TPRG1: variants seen among roughly 807,000 people sequenced by gnomAD.
The protein encoded by TPRG1 is tumor protein p63 regulated 1, also known as tumor protein p63-regulated gene 1 protein.
TPRG1 carries 29 observed loss-of-function variants against 29.3 expected under a neutral mutation model. That is an observed-to-expected ratio of 0.99 (90% confidence interval 0.74 to 1.35). The LOEUF (loss-of-function observed/expected upper bound fraction) is 1.35. TPRG1 is among the 40% of genes most tolerant of loss of function. TPRG1 has a pLI of 0.00. For synonymous variants in TPRG1, 130 were observed against 116.8 expected (o/e 1.11, Z -0.73); for missense variants, 327 against 335.0 (o/e 0.98, Z 0.19).
At chr3:189,103,873 C>G (rs576504043) in intron 1 of TPRG1, among the ~76,000 whole-genome samples, 1 of 152,272 alleles carries the variant, frequency 6.6e-6, no homozygotes, top group Non-Finnish European at 1.5e-5. Context: ...AAAATCACGG[C>G]CCATCACAGT....
chr3:189,197,125 C>T (rs16864069), intron 1 of TPRG1, among the ~76,000 whole-genome samples: 10,244 of 152,250 alleles, frequency 0.067, 482 homozygotes, highest in Admixed American at 0.17. Context: ...CAGAGGCTTG[C>T]TTTAATGTGT....
chr3:189,069,755 G>T (rs959487677), intron 4 of TPRG1, among the ~76,000 whole-genome samples: 3 of 152,072 alleles, frequency 2.0e-5, no homozygotes, highest in African/African-American at 7.2e-5. Flanking sequence ...TGCTTCAACA[G>T]GTAAGTAGTT....
intron 4 of TPRG1, among the ~76,000 whole-genome samples, chr3:189,251,880 G>T (rs972239585): frequency 3.9e-5 from 6 of 152,100 alleles, no homozygotes; most frequent in Admixed American, 3.9e-4. Context: ...AAAGAGGCAT[G>T]CCTTCCTCTT....
rs112969753 is a variant in TPRG1 at position 189,047,201 on chromosome 3, G to A, written c.-463+23255G>A. ...CTTAAATATATACACGCATAGGTTG[G>A]AGATACTGTTGATTTGCTTCCACTC... On this transcript the variant is annotated intron_variant, in intron 4 of 10. Coordinates refer to the TPRG1 transcript ENST00000433971. 3.0e-3 allele frequency among the ~76,000 whole-genome samples: 464 copies of A among 152,140 alleles called. 3 individuals carry two copies. Among genetic ancestry groups the A allele is most frequent in the African/African-American group, 0.011 (441 of 41,502 alleles).
intron 4 of TPRG1, among the ~76,000 whole-genome samples, chr3:189,079,113 T>A (rs1196946212): frequency 6.6e-6 from 1 of 152,086 alleles, no homozygotes; most frequent in East Asian, 1.9e-4. Flanking sequence ...GGAGCAGGAA[T>A]GTCACATAGC....
chr3:189,130,004 TCTC>T (rs1336633340), intron 2 of TPRG1, among the ~76,000 whole-genome samples: 1 of 152,198 alleles, frequency 6.6e-6, no homozygotes, highest in African/African-American at 2.4e-5. Flanking sequence ...TAATAAAACT[TCTC>T]AGCTGAATGT....
chr3:189,094,697 A>G (rs1718561309), intron 4 of TPRG1, among the ~76,000 whole-genome samples: 1 of 152,168 alleles, frequency 6.6e-6, no homozygotes, highest in East Asian at 1.9e-4. Flanking sequence ...CCACTTGTAT[A>G]TTGGCAGCCA....
At chr3:189,085,385 T>C (rs1376159548) in intron 4 of TPRG1, among the ~76,000 whole-genome samples, 2 of 152,054 alleles carry the variant, frequency 1.3e-5, no homozygotes, top group Non-Finnish European at 2.9e-5. Flanking sequence ...AAGGGAAAGA[T>C]GGCTGGCGGT....
intron 2 of TPRG1, among the ~76,000 whole-genome samples, chr3:189,207,907 A>G (rs1338626608): frequency 6.6e-6 from 1 of 152,258 alleles, no homozygotes; most frequent in Non-Finnish European, 1.5e-5. Context: ...AGAGAGAACC[A>G]TAGCAGCTAG....
At chr3:189,154,153 A>G (rs189487127) in intron 5 of TPRG1, among the ~76,000 whole-genome samples, 3 of 152,330 alleles carry the variant, frequency 2.0e-5, no homozygotes, top group Non-Finnish European at 4.4e-5. Context: ...AATAACTCAC[A>G]TCATGCGATA....
In TPRG1 at chr3:189,323,478, G is replaced by C. The variant is rs1416941676; in HGVS notation, c.*2658G>C. On this transcript the variant is annotated 3_prime_UTR_variant, in exon 6 of 6. Transcript: ENST00000345063. ...ATTCTTTTATTAAACAGAAAGTTTTGAGTATTTGCCTAGAGAGTGATGTGA... is the reference window on the plus strand; with the variant it reads ...ATTCTTTTATTAAACAGAAAGTTTTCAGTATTTGCCTAGAGAGTGATGTGA... The C allele has an allele frequency of 2.6e-5, 4 of 152,100 alleles. No individual in the cohort carries two copies. Among genetic ancestry groups the C allele is most frequent in the Non-Finnish European group, 5.9e-5 (4 of 68,002 alleles). 9.4% of individuals were successfully genotyped at this position (152,100 alleles called of 1,614,324 possible).
chr3:189,159,840 A>T lies in TPRG1; in HGVS notation c.-10+8968A>T, dbSNP rs4687022. Among the ~76,000 whole-genome samples, 18 of 138,586 alleles carry T rather than the reference A, an allele frequency of 1.3e-4. No individual in the cohort carries two copies. In the East Asian group the frequency reaches 3.4e-3, roughly 26 times the overall value. The allele number at this position is 138,586 out of a possible 152,430, so 90.9% of individuals were successfully genotyped here. ...TAATGCTTTCATGGAGTGTTTGTGT[A>T]TGTGTGTGTGTGTGTGTGTGTGTGT... On this transcript the variant is annotated intron_variant, in intron 5 of 6. Coordinates refer to the TPRG1 transcript ENST00000412373.
chr3:189,173,247 TAGTC>T (rs1296231227), intron 1 of TPRG1, among the ~76,000 whole-genome samples: 7 of 152,084 alleles, frequency 4.6e-5, no homozygotes, highest in Admixed American at 4.6e-4. Flanking sequence ...ACAGTACTGA[TAGTC>T]ATCCCTTGGG....
chr3:189,006,718 A>C (rs1031574164), intron 3 of TPRG1, among the ~76,000 whole-genome samples: 3 of 152,128 alleles, frequency 2.0e-5, no homozygotes, highest in African/African-American at 7.2e-5. Flanking sequence ...AGTTTAAAAA[A>C]AAATGTAGTA....
At chr3:189,008,428 A>T (rs1032082621) in intron 3 of TPRG1, among the ~76,000 whole-genome samples, 5 of 152,184 alleles carry the variant, frequency 3.3e-5, no homozygotes, top group African/African-American at 4.8e-5. Context: ...AGTGATTATT[A>T]TAGCTTTACA....
intron 4 of TPRG1, among the ~76,000 whole-genome samples, chr3:189,292,292 C>CTT (rs11459415): frequency 0.043 from 4,912 of 114,822 alleles, 180 homozygotes; most frequent in African/African-American, 0.1. Flanking sequence ...GAAGTTTTTG[C>CTT]TTTTTTTTTT....
chr3:189,262,844 G>A (rs1314088894), intron 4 of TPRG1, among the ~76,000 whole-genome samples: 4 of 152,172 alleles, frequency 2.6e-5, no homozygotes, highest in East Asian at 3.9e-4. Flanking sequence ...TCAAACTCAC[G>A]CACACAGCTG....
In TPRG1 at chr3:189,065,176, TA is replaced by T. The variant is rs140673256; in HGVS notation, c.-463+41239del. ...TGGGTAACAGAGCTAGACTGTCTCTTAAAAAAAAAGAAGTAAAAAAATACCA... is the reference window on the plus strand; with the variant it reads ...TGGGTAACAGAGCTAGACTGTCTCTTAAAAAAAAGAAGTAAAAAAATACCA... On this transcript the variant is annotated intron_variant, in intron 4 of 10. Coordinates refer to the TPRG1 transcript ENST00000433971. Among the ~76,000 whole-genome samples, 33 of 150,996 alleles carry T rather than the reference TA, an allele frequency of 2.2e-4. No homozygotes were observed. The East Asian group carries it at 6.0e-3, about 28-fold the overall frequency.
Position 189,282,215 on chromosome 3 carries a change from C to CAAAAAAAAAA in TPRG1, c.480-28163_480-28154dup, listed in dbSNP as rs577174841. Among the ~76,000 whole-genome samples, 19 of 94,702 alleles carry CAAAAAAAAAA rather than the reference C, an allele frequency of 2.0e-4. 2 individuals are homozygous for CAAAAAAAAAA. The highest frequency in any genetic ancestry group is 6.3e-4 in the African/African-American group (14 of 22,082). The allele number at this position is 94,702 out of a possible 152,430, so 62.1% of individuals were successfully genotyped here. The stretch of plus-strand genomic sequence containing the variant: ...TGTCAGTAGGCATAATAGTCCTTTC[C>CAAAAAAAAAA]AAAAAAAAAAAAAAAAAGGCAGCAG... On this transcript the variant is annotated intron_variant, in intron 4 of 5. Coordinates refer to ENST00000345063, the MANE Select transcript of TPRG1 (RefSeq NM_198485.4).
Sources: allele counts gnomAD v4.1 joint callset (sites outside exome capture counted in the v4.1 genomes callset), GRCh38; gene constraint gnomAD v4.1.1; transcripts MANE v1.5; gene names NCBI Gene and HGNC (gene_info 2026-07-23, HGNC 2026-07-21).